THSD4: variants seen among roughly 807,000 people sequenced by gnomAD.
THSD4 encodes the protein thrombospondin type-1 domain-containing protein 4.
In THSD4, 69 loss-of-function variants were observed where a neutral mutation model predicts 119.0. That is an observed-to-expected ratio of 0.58 (90% confidence interval 0.48 to 0.71). THSD4 has a LOEUF of 0.71. THSD4 is among the 30% of genes least tolerant of loss of function. The pLI, the probability that THSD4 is intolerant of heterozygous loss-of-function variation, is 0.00. For missense variants in THSD4, 1,393 were observed against 1,391.1 expected (o/e 1.00, Z -0.02); for synonymous variants, 524 against 540.4 (o/e 0.97, Z 0.42).
In THSD4 at chr15:71,242,912, A is replaced by G. The variant is rs773825396; in HGVS notation, c.728A>G (p.Tyr243Cys). Residue 243 changes from tyrosine (Y) to cysteine (C), a missense_variant, in exon 5 of 18, where the codon TAC (tyrosine) becomes TGC (cysteine). Tyr to Cys is a radical substitution (Grantham distance 194). Transcript: ENST00000261862. The stretch of plus-strand genomic sequence containing the variant: ...CTGCAGGCTGCGGAGGCCCCCATCT[A>G]CCAGCTACCTTTGACCCATGATCAA... ...SGLQAAEAPI[Y>C]QLPLTHDQGY... 2 of 1,614,104 alleles carry G rather than the reference A, an allele frequency of 1.2e-6. No homozygotes were observed. The highest frequency in any genetic ancestry group is 1.7e-6 in the Non-Finnish European group (2 of 1,180,020).
In THSD4 at chr15:71,651,041, C is replaced by A. The variant is rs558028930; in HGVS notation, c.1153-9489C>A. On this transcript the variant is annotated intron_variant, in intron 7 of 17. Transcript: ENST00000261862. The stretch of plus-strand genomic sequence containing the variant: ...GAGAGAGAATTATTATAACTAAATT[C>A]GATGAATGAATTAATGAGTATCAAG... 7.9e-5 allele frequency among the ~76,000 whole-genome samples: 12 copies of A among 152,240 alleles called. No homozygotes were observed. In the South Asian group the frequency reaches 2.5e-3, roughly 32 times the overall value.
intron 8 of THSD4, among the ~76,000 whole-genome samples, chr15:71,679,100 A>G (rs1567096662): frequency 6.6e-6 from 1 of 152,196 alleles, no homozygotes; most frequent in Non-Finnish European, 1.5e-5. Context: ...ACTGTGTACA[A>G]TATATTATGA....
chr15:71,494,799 G>C (rs902986200), intron 7 of THSD4, among the ~76,000 whole-genome samples: 4 of 152,158 alleles, frequency 2.6e-5, no homozygotes, highest in Non-Finnish European at 5.9e-5. Flanking sequence ...AGATCCCAGG[G>C]TCAGGGTTAT....
chr15:71,413,673 G>T (rs561784942), intron 7 of THSD4, among the ~76,000 whole-genome samples: 3 of 152,332 alleles, frequency 2.0e-5, no homozygotes, highest in Admixed American at 2.0e-4. Context: ...AAGGAACAAG[G>T]TGTCACTTGA....
At chr15:71,585,643 T>C (rs951631581) in intron 7 of THSD4, among the ~76,000 whole-genome samples, 1 of 152,212 alleles carries the variant, frequency 6.6e-6, no homozygotes, top group African/African-American at 2.4e-5. Flanking sequence ...TAAAGTTTCT[T>C]GTCATTATTT....
intron 7 of THSD4, among the ~76,000 whole-genome samples, chr15:71,551,867 A>G (rs993759746): frequency 6.6e-6 from 1 of 152,210 alleles, no homozygotes; most frequent in Non-Finnish European, 1.5e-5. Flanking sequence ...CATATTGTCT[A>G]TACAGTAGAG....
intron 7 of THSD4, among the ~76,000 whole-genome samples, chr15:71,532,291 T>A (rs375543016): frequency 0.23 from 14,937 of 64,446 alleles, 1,027 homozygotes; most frequent in African/African-American, 0.35. Context: ...AGAGTGTGTG[T>A]GTGTGTGTGT....
intron 17 of THSD4, among the ~76,000 whole-genome samples, chr15:71,771,520 A>G (rs180687223): frequency 6.6e-6 from 1 of 152,184 alleles, no homozygotes; most frequent in Non-Finnish European, 1.5e-5. Context: ...TTTTAATTGT[A>G]GGTGCAAACC....
chr15:71,258,986 G>A (rs1259957947), intron 6 of THSD4, among the ~76,000 whole-genome samples: 2 of 152,038 alleles, frequency 1.3e-5, no homozygotes, highest in African/African-American at 2.4e-5. Flanking sequence ...GGTGGTGCAT[G>A]CCTGTAATCC....
chr15:71,365,132 TG>T (rs1411383604), intron 6 of THSD4, among the ~76,000 whole-genome samples: 4 of 4,004 alleles, frequency 1.0e-3, no homozygotes, highest in Non-Finnish European at 2.7e-3. Flanking sequence ...CCCCCCCCAT[TG>T]TGTGTGTGTG....
intron 6 of THSD4, among the ~76,000 whole-genome samples, chr15:71,346,852 G>GTTTCAT (rs1156342866): frequency 7.3e-6 from 1 of 136,792 alleles, no homozygotes; most frequent in Admixed American, 7.3e-5. Context: ...AACATCATAA[G>GTTTCAT]TTTCATTTTC....
At chr15:71,464,259 G>A (rs1269912945) in intron 7 of THSD4, among the ~76,000 whole-genome samples, 2 of 152,200 alleles carry the variant, frequency 1.3e-5, no homozygotes, top group Non-Finnish European at 1.5e-5. Flanking sequence ...CTCCACCCCA[G>A]AACCTTCATG....
intron 10 of THSD4, among the ~76,000 whole-genome samples, 158 bp from the exon 11 acceptor site, chr15:71,737,574 A>T (rs2141151438): frequency 6.6e-6 from 1 of 152,342 alleles, no homozygotes; most frequent in East Asian, 1.9e-4. Context: ...GAGGGAAAGC[A>T]CTAGTAGGTG....
In THSD4 at chr15:71,603,982, CT is replaced by C. The variant is rs368047382; in HGVS notation, c.1153-56546del. 4.5e-4 allele frequency among the ~76,000 whole-genome samples: 69 copies of C among 152,230 alleles called. 2 individuals are homozygous for C. In the East Asian group the frequency reaches 0.012, roughly 27 times the overall value. ...AGAATTAGAAGAAAGAAAAAATAGC[CT>C]TGGCCACAGATGAAGGAGAGAAAAG... On this transcript the variant is annotated intron_variant, in intron 7 of 17. Coordinates refer to ENST00000261862, the MANE Select transcript of THSD4 (RefSeq NM_024817.3).
At chr15:71,110,665 A>AC (rs2141343785), upstream of THSD4, 1 of 163,800 alleles carries the variant, frequency 6.1e-6, no homozygotes, top group Admixed American at 5.6e-5. Flanking sequence ...AGTGTCCTGT[A>AC]TCTGCTCTCT....
intron 8 of THSD4, among the ~76,000 whole-genome samples, chr15:71,681,637 T>C (rs939042325): frequency 2.0e-5 from 3 of 150,784 alleles, no homozygotes; most frequent in Admixed American, 6.6e-5. Context: ...ATGGTTCCAC[T>C]TAACTCTAGC....
chr15:71,375,468 C>G (rs566605135), intron 6 of THSD4, among the ~76,000 whole-genome samples: 2 of 152,274 alleles, frequency 1.3e-5, no homozygotes, highest in East Asian at 3.9e-4. Flanking sequence ...ATTGCCTGTT[C>G]AGTTGTTTGG....
chr15:71,652,451 A>T (rs1437135575), intron 7 of THSD4, among the ~76,000 whole-genome samples: 1 of 152,198 alleles, frequency 6.6e-6, no homozygotes, highest in African/African-American at 2.4e-5. Context: ...ATCACTGTCA[A>T]AAGCTATTTC....
intron 3 of THSD4, among the ~76,000 whole-genome samples, chr15:71,162,176 A>G (rs2043255042): frequency 6.6e-6 from 1 of 152,152 alleles, no homozygotes; most frequent in South Asian, 2.1e-4. Flanking sequence ...ACACCATTAC[A>G]GCACTAGGGT....
Sources: allele counts gnomAD v4.1 joint callset (sites outside exome capture counted in the v4.1 genomes callset), GRCh38; gene constraint gnomAD v4.1.1; transcripts MANE v1.5; gene names NCBI Gene and HGNC (gene_info 2026-07-23, HGNC 2026-07-21).